Variants in CLIC5 observed in about 807,000 individuals in gnomAD.
CLIC5 encodes the protein CLIC family member 5, also known as chloride intracellular channel protein 5.
CLIC5 carries 20 observed loss-of-function variants against 24.7 expected under a neutral mutation model. That is an observed-to-expected ratio of 0.81 (90% CI 0.57 to 1.18). The LOEUF is 1.18. Among genes scored for constraint, CLIC5 ranks in the 50% most tolerant of loss-of-function variants. The pLI, the probability that CLIC5 is intolerant of heterozygous loss-of-function variation, is 0.00. For missense variants in CLIC5, 341 were observed against 326.1 expected (o/e 1.05, Z -0.35); for synonymous variants, 159 against 135.6 (o/e 1.17, Z -1.20).
the CLIC5 span, among the ~76,000 whole-genome samples, chr6:46,127,535 A>C: frequency 2.6e-4 from 40 of 152,338 alleles, no homozygotes; most frequent in African/African-American, 9.4e-4. Context: ...TGCCTACCTA[A>C]ATAAAACAAC....
At chr6:45,981,311 T>A (rs1296217295) in intron 1 of CLIC5, among the ~76,000 whole-genome samples, 1 of 151,962 alleles carries the variant, frequency 6.6e-6, no homozygotes, top group African/African-American at 2.4e-5. Context: ...ACGTGCTTAC[T>A]AGATGAGTAG....
chr6:46,101,904 C>A, the CLIC5 span, among the ~76,000 whole-genome samples: 1 of 150,378 alleles, frequency 6.6e-6, no homozygotes, highest in Non-Finnish European at 1.5e-5. Context: ...TACATTACAC[C>A]ATTCCTGGGG....
chr6:46,112,717 G>T, the CLIC5 span, among the ~76,000 whole-genome samples: 2 of 152,130 alleles, frequency 1.3e-5, no homozygotes, highest in Admixed American at 1.3e-4. Flanking sequence ...TGCAGCAAAG[G>T]TTCTGAGGCA....
chr6:46,086,068 C>A, the CLIC5 span, among the ~76,000 whole-genome samples: 1 of 152,252 alleles, frequency 6.6e-6, no homozygotes, highest in Non-Finnish European at 1.5e-5. Flanking sequence ...ATATAACCTC[C>A]TGGTGCGCCG....
At chr6:46,075,436 T>C (rs898787134) in intron 1 of CLIC5, among the ~76,000 whole-genome samples, 1 of 151,894 alleles carries the variant, frequency 6.6e-6, no homozygotes, top group Non-Finnish European at 1.5e-5. Context: ...AAAAATTTAA[T>C]TAGATGGGTA....
chr6:45,961,393 G>A (rs1429287455), intron 1 of CLIC5, among the ~76,000 whole-genome samples: 1 of 152,166 alleles, frequency 6.6e-6, no homozygotes, highest in Admixed American at 6.5e-5. Flanking sequence ...TAAATGAATT[G>A]CCCATGGTAG....
intron 4 of CLIC5, among the ~76,000 whole-genome samples, chr6:45,919,655 C>T (rs1763174407): frequency 6.6e-6 from 1 of 152,138 alleles, no homozygotes; most frequent in African/African-American, 2.4e-5. Context: ...TGAGTCGAGG[C>T]CTCCAGGCAG....
At chr6:45,920,664 G>A (rs1342550789) in intron 4 of CLIC5, 4 of 979,288 alleles carry the variant, frequency 4.1e-6, no homozygotes, top group Non-Finnish European at 4.9e-6. Flanking sequence ...TCTGTTGGAA[G>A]AAGAAGCCTT....
chr6:46,114,615 A>AT, the CLIC5 span, among the ~76,000 whole-genome samples: 1 of 151,638 alleles, frequency 6.6e-6, no homozygotes, highest in East Asian at 1.9e-4. Context: ...GGCATGTGAG[A>AT]TTTTCCAGAC....
At chr6:46,013,713 G>C (rs940699082) in intron 1 of CLIC5, among the ~76,000 whole-genome samples, 3 of 152,124 alleles carry the variant, frequency 2.0e-5, no homozygotes, top group African/African-American at 7.2e-5. Flanking sequence ...AGGTAGAATC[G>C]GTCTCCACAC....
intron 1 of CLIC5, among the ~76,000 whole-genome samples, chr6:46,067,742 T>C (rs1762481815): frequency 1.3e-5 from 2 of 152,134 alleles, no homozygotes; most frequent in African/African-American, 4.8e-5. Context: ...AATGAGTGCC[T>C]GAGAACTAAA....
At chr6:45,938,124 G>GA (rs1162175202) in intron 4 of CLIC5, among the ~76,000 whole-genome samples, 3 of 152,144 alleles carry the variant, frequency 2.0e-5, no homozygotes, top group Non-Finnish European at 4.4e-5. Flanking sequence ...GATCCAGAGG[G>GA]AAAAAAATGG....
chr6:46,049,278 C>G (rs1042805360), intron 1 of CLIC5, among the ~76,000 whole-genome samples: 3 of 152,146 alleles, frequency 2.0e-5, no homozygotes, highest in African/African-American at 7.2e-5. Flanking sequence ...TTTTAACCTA[C>G]CTCCAAGCAT....
At chr6:45,883,015 A>G (rs1581701682) in intron 6 of CLIC5, among the ~76,000 whole-genome samples, 1 of 152,228 alleles carries the variant, frequency 6.6e-6, no homozygotes, top group East Asian at 1.9e-4. Context: ...GTGGTGGAGC[A>G]GATCAAGATG....
the CLIC5 span, among the ~76,000 whole-genome samples, chr6:46,107,824 T>C: frequency 1.3e-5 from 2 of 152,098 alleles, no homozygotes; most frequent in South Asian, 4.1e-4. Flanking sequence ...TCACCTGAGG[T>C]TGGGAGTTCA....
At chr6:46,104,487 T>C in the CLIC5 span, among the ~76,000 whole-genome samples, 1 of 151,946 alleles carries the variant, frequency 6.6e-6, no homozygotes, top group Non-Finnish European at 1.5e-5. Flanking sequence ...TGCTTGTTAG[T>C]CTATGGCAAC....
intron 1 of CLIC5, among the ~76,000 whole-genome samples, chr6:45,968,007 T>C (rs909647196): frequency 6.6e-6 from 1 of 152,158 alleles, no homozygotes; most frequent in Non-Finnish European, 1.5e-5. Context: ...TATCAGTGGG[T>C]GTGCAGGGAA....
chr6:45,903,163 G>A lies in CLIC5; in HGVS notation c.681C>T (p.Phe227=). The change falls in exon 6 of 6, where the codon TTC becomes TTT. Residue 227 remains phenylalanine, a synonymous_variant. Coordinates refer to ENST00000339561, the MANE Select transcript of CLIC5 (RefSeq NM_016929.5). ...YLKNAYARDE[F]TNTCAADSEI... ...CACTGTCAGCTGCACAGGTGTTGGT[G>A]AACTCATCACGGGCATAGGCGTTCT... 6.2e-7 allele frequency: 1 copy of A among 1,614,156 alleles called. No homozygotes were observed. The highest frequency in any genetic ancestry group is 8.5e-7 in the Non-Finnish European group (1 of 1,180,006).
At chr6:46,035,796 G>A (rs1281218355) in intron 1 of CLIC5, among the ~76,000 whole-genome samples, 2 of 151,782 alleles carry the variant, frequency 1.3e-5, no homozygotes, top group East Asian at 3.9e-4. Flanking sequence ...CCAGGCTGGA[G>A]TGCAGTGGTG....
Sources: gnomAD v4.1 joint callset for allele counts (sites outside exome capture counted in the v4.1 genomes callset) on GRCh38, gnomAD v4.1.1 for gene constraint, MANE v1.5 for transcripts, NCBI Gene and HGNC (gene_info 2026-07-23, HGNC 2026-07-21) for gene names.